The following GPC5 variants were observed in gnomAD, a reference collection of about 807,000 sequenced individuals.
GPC5 encodes glypican 5, also known as glypican-5.
Under a neutral mutation model 53.9 loss-of-function variants are expected in GPC5, and 47 were observed. That is an observed-to-expected ratio of 0.87 (90% CI 0.69 to 1.11). The LOEUF (loss-of-function observed/expected upper bound fraction) is 1.11, where lower values mean the gene tolerates loss of function less well. Ranked by LOEUF, GPC5 falls within the 50% of genes most tolerant of loss-of-function variation. GPC5 has a pLI of 0.00. For missense variants in GPC5, 748 were observed against 713.1 expected, an observed-to-expected ratio of 1.05 and a Z score of -0.56; for synonymous variants, 286 against 263.3, an observed-to-expected ratio of 1.09 and a Z score of -0.84.
rs138433685 is a variant in GPC5, at chr13:92,194,763, A to G, written c.1561+49774A>G. Among the ~76,000 whole-genome samples, 13 of 152,316 alleles carry G rather than the reference A, an allele frequency of 8.5e-5. No homozygotes were observed. In the East Asian group the frequency reaches 2.5e-3, roughly 29 times the overall value. ...TATATTAGGCTCTTTCTGACCTAGT[A>G]TTAGCCTCCCCATCAGATTTCACTT... is the stretch of plus-strand genomic sequence containing the variant. On this transcript the variant is annotated intron_variant, in intron 7 of 7. Coordinates refer to ENST00000377067, the MANE Select transcript of GPC5 (RefSeq NM_004466.6).
chr13:91,569,563 C>T (rs931318612), intron 2 of GPC5, among the ~76,000 whole-genome samples: 1 of 152,094 alleles, frequency 6.6e-6, no homozygotes, highest in Non-Finnish European at 1.5e-5. Flanking sequence ...AATGAGAATG[C>T]ATGTTCAAGA....
At chr13:91,893,509 C>A (rs374634476) in intron 5 of GPC5, among the ~76,000 whole-genome samples, 27 of 152,152 alleles carry the variant, frequency 1.8e-4, no homozygotes, top group Middle Eastern at 6.8e-3. Context: ...TACCATAAAA[C>A]ATGTGCATGT....
intron 6 of GPC5, among the ~76,000 whole-genome samples, chr13:92,066,166 G>C (rs2041165825): frequency 6.6e-6 from 1 of 152,088 alleles, no homozygotes; most frequent in Admixed American, 6.6e-5. Flanking sequence ...ATTAGCGACA[G>C]AATACTCAAG....
intron 6 of GPC5, among the ~76,000 whole-genome samples, chr13:92,018,176 T>C (rs551019551): frequency 6.6e-6 from 1 of 152,288 alleles, no homozygotes; most frequent in South Asian, 2.1e-4. Context: ...ATTGCATAAA[T>C]GCCTACCAAA....
chr13:92,147,332 C>A (rs1172203258), intron 7 of GPC5, among the ~76,000 whole-genome samples: 1 of 151,760 alleles, frequency 6.6e-6, no homozygotes, highest in Non-Finnish European at 1.5e-5. Context: ...GCATGGCCAT[C>A]TAAATATTAG....
intron 2 of GPC5, among the ~76,000 whole-genome samples, chr13:91,507,782 C>T (rs1008031558): frequency 3.3e-5 from 5 of 152,132 alleles, no homozygotes; most frequent in African/African-American, 1.2e-4. Context: ...AACATTCAGT[C>T]TATAGCAGTA....
intron 7 of GPC5, among the ~76,000 whole-genome samples, chr13:92,557,231 G>A (rs373802461): frequency 2.0e-5 from 3 of 151,828 alleles, no homozygotes; most frequent in African/African-American, 7.3e-5. Context: ...AATCCAGCTT[G>A]ATCAGTGATA....
At chr13:91,428,824 T>C (rs1879236778) in intron 1 of GPC5, among the ~76,000 whole-genome samples, 1 of 152,194 alleles carries the variant, frequency 6.6e-6, no homozygotes, top group African/African-American at 2.4e-5. Flanking sequence ...ATTTTTTGTA[T>C]AGCATACCAC....
intron 7 of GPC5, among the ~76,000 whole-genome samples, chr13:92,835,796 A>G (rs965643648): frequency 6.6e-6 from 1 of 152,028 alleles, no homozygotes; most frequent in Non-Finnish European, 1.5e-5. Flanking sequence ...AATGCTCAAC[A>G]TCTTCACCAG....
chr13:92,750,944 A>G (rs191686893), intron 7 of GPC5, among the ~76,000 whole-genome samples: 6 of 152,298 alleles, frequency 3.9e-5, no homozygotes, highest in African/African-American at 1.4e-4. Context: ...GAAACAAAAA[A>G]GAATGAGGAA....
intron 7 of GPC5, among the ~76,000 whole-genome samples, chr13:92,286,636 C>CA (rs1299189123): frequency 6.9e-6 from 1 of 145,530 alleles, no homozygotes; most frequent in Non-Finnish European, 1.5e-5. Context: ...ATCTCAAGGA[C>CA]AAAAAACCAA....
chr13:91,410,877 G>A (rs1877714567), intron 1 of GPC5, among the ~76,000 whole-genome samples: 1 of 152,120 alleles, frequency 6.6e-6, no homozygotes, highest in Non-Finnish European at 1.5e-5. Context: ...TTGGGAGGCT[G>A]AGGTGGGCAG....
At chr13:92,783,905 C>G (rs1876122030) in intron 7 of GPC5, among the ~76,000 whole-genome samples, 1 of 152,116 alleles carries the variant, frequency 6.6e-6, no homozygotes, top group Non-Finnish European at 1.5e-5. Context: ...AGAAAATGCA[C>G]TAAGAACCCA....
At chr13:92,189,265 C>T (rs2042205524) in intron 7 of GPC5, among the ~76,000 whole-genome samples, 1 of 152,100 alleles carries the variant, frequency 6.6e-6, no homozygotes, top group Non-Finnish European at 1.5e-5. Context: ...AACTATTTTA[C>T]CAGACCCAAT....
intron 7 of GPC5, among the ~76,000 whole-genome samples, chr13:92,482,322 A>C (rs1442931178): frequency 6.6e-6 from 1 of 152,194 alleles, no homozygotes; most frequent in African/African-American, 2.4e-5. Flanking sequence ...TTAAATGACC[A>C]GTTAATTCTC....
intron 6 of GPC5, among the ~76,000 whole-genome samples, chr13:92,117,893 A>G (rs1169799645): frequency 2.0e-5 from 3 of 152,160 alleles, no homozygotes; most frequent in African/African-American, 7.2e-5. Context: ...CTGAAAATAG[A>G]AACAGGTTTG....
rs1882067641 is a variant in GPC5, at chr13:92,545,303, T to A, written c.1562-320979T>A. On this transcript the variant is annotated intron_variant, in intron 7 of 7. Transcript: ENST00000377067. Reference sequence around the variant, plus strand: ...CATGGTGTATATGTGCCACATTTTCTTAATCCAGTCTATCATTGTTGGACA... The same window carrying A: ...CATGGTGTATATGTGCCACATTTTCATAATCCAGTCTATCATTGTTGGACA... Among the ~76,000 whole-genome samples the A allele has an allele frequency of 2.0e-5, 3 of 152,340 alleles. No individual in the cohort carries two copies. The South Asian group carries it at 6.2e-4, about 32-fold the overall frequency.
chr13:92,423,976 A>G (rs1876704711), intron 7 of GPC5, among the ~76,000 whole-genome samples: 1 of 151,422 alleles, frequency 6.6e-6, no homozygotes, highest in African/African-American at 2.4e-5. Context: ...AAAATATCAA[A>G]TTAATATTTC....
chr13:92,633,199 C>T (rs1885312089), intron 7 of GPC5, among the ~76,000 whole-genome samples: 1 of 152,118 alleles, frequency 6.6e-6, no homozygotes, highest in Non-Finnish European at 1.5e-5. Flanking sequence ...AGCCAAAACT[C>T]CCATTTTTTA....
Sources: gnomAD v4.1 joint callset for allele counts (sites outside exome capture counted in the v4.1 genomes callset) on GRCh38, gnomAD v4.1.1 for gene constraint, MANE v1.5 for transcripts, NCBI Gene and HGNC (gene_info 2026-07-23, HGNC 2026-07-21) for gene names.